ANO4: variants seen among roughly 807,000 people sequenced by gnomAD.
ANO4 encodes anoctamin-4.
Under a neutral mutation model 141.9 loss-of-function variants are expected in ANO4, and 69 were observed. The observed-to-expected ratio is 0.49, with a 90% CI of 0.40 to 0.59. The LOEUF (loss-of-function observed/expected upper bound fraction) is 0.59. Ranked by LOEUF, ANO4 falls within the 20% of genes least tolerant of loss-of-function variation. The pLI, the probability that ANO4 is intolerant of heterozygous loss-of-function variation, is 0.00. For synonymous variants in ANO4, 350 were observed against 394.3 expected (o/e 0.89, Z 1.33); for missense variants, 894 against 1,162.2 (o/e 0.77, Z 3.36).
intron 1 of ANO4, among the ~76,000 whole-genome samples, chr12:100,826,221 C>T (rs2036329860): frequency 6.6e-6 from 1 of 151,768 alleles, no homozygotes; most frequent in Non-Finnish European, 1.5e-5. Context: ...AAGACGGAAA[C>T]ATTCAGAAAG....
intron 3 of ANO4, among the ~76,000 whole-genome samples, chr12:100,925,795 ATG>A (rs1181663389): frequency 6.9e-6 from 1 of 144,684 alleles, no homozygotes; most frequent in African/African-American, 2.6e-5. Context: ...GCATGTATAT[ATG>A]TGTGTATACA....
At chr12:100,909,454 A>G (rs1035642070) in intron 2 of ANO4, among the ~76,000 whole-genome samples, 4 of 152,200 alleles carry the variant, frequency 2.6e-5, no homozygotes, top group Admixed American at 2.0e-4. Flanking sequence ...CCCAAAAGGA[A>G]ATAGAGGTGA....
chr12:100,884,861 T>A (rs190365513), intron 1 of ANO4, among the ~76,000 whole-genome samples: 106 of 152,260 alleles, frequency 7.0e-4, no homozygotes, highest in African/African-American at 2.4e-3. Context: ...TGCCCAGCTA[T>A]TTTTAGTATT....
intron 17 of ANO4, among the ~76,000 whole-genome samples, chr12:101,091,057 A>G (rs2049749890): frequency 6.6e-6 from 1 of 152,204 alleles, no homozygotes; most frequent in Non-Finnish European, 1.5e-5. Context: ...AGACTAGCCA[A>G]CATGGATGAG....
chr12:100,857,920 C>T (rs898909805), intron 1 of ANO4, among the ~76,000 whole-genome samples: 1 of 152,120 alleles, frequency 6.6e-6, no homozygotes, highest in East Asian at 1.9e-4. Context: ...ATTCAAACCT[C>T]ATTTGAAATC....
chr12:100,994,141 G>A (rs752929439), intron 8 of ANO4, among the ~76,000 whole-genome samples: 37 of 152,180 alleles, frequency 2.4e-4, no homozygotes, highest in Non-Finnish European at 4.1e-4. Flanking sequence ...GTAGTGGTGG[G>A]ATGGGTACAA....
chr12:101,121,951 G>A (rs1287387898), intron 26 of ANO4, among the ~76,000 whole-genome samples: 2 of 151,820 alleles, frequency 1.3e-5, no homozygotes, highest in African/African-American at 2.4e-5. Flanking sequence ...TAGTGGAGAC[G>A]GGGTTTCACT....
intron 3 of ANO4, among the ~76,000 whole-genome samples, chr12:100,751,604 T>C (rs1593269088): frequency 2.0e-5 from 3 of 152,178 alleles, no homozygotes; most frequent in East Asian, 3.9e-4. Flanking sequence ...TTGTCCCAGG[T>C]CGTGTAACTC....
At chr12:101,052,974 C>A (rs2047934765) in intron 14 of ANO4, among the ~76,000 whole-genome samples, 1 of 152,196 alleles carries the variant, frequency 6.6e-6, no homozygotes, top group East Asian at 1.9e-4. Flanking sequence ...TGGTCTGTTT[C>A]ACTCCAGAGT....
upstream of ANO4, among the ~76,000 whole-genome samples, chr12:100,789,830 A>G (rs1222417319): frequency 6.6e-6 from 1 of 152,210 alleles, no homozygotes; most frequent in Non-Finnish European, 1.5e-5. Flanking sequence ...TTGTGTACTT[A>G]TTGAGCTCCT....
At chr12:101,080,865 G>GATATATATATATTATAT (rs1555296491) in intron 15 of ANO4, among the ~76,000 whole-genome samples, 3 of 109,374 alleles carry the variant, frequency 2.7e-5, no homozygotes, top group Non-Finnish European at 3.7e-5. Flanking sequence ...CTAGGTTCTA[G>GATATATATATATTATAT]ATATATATAT....
At chr12:100,976,370 A>T (rs2044193639) in intron 7 of ANO4, among the ~76,000 whole-genome samples, 1 of 152,214 alleles carries the variant, frequency 6.6e-6, no homozygotes, top group Admixed American at 6.5e-5. Context: ...GTTGTTTCTC[A>T]AAAATTGCCT....
At chr12:100,916,737 A>G (rs1454804693) in intron 2 of ANO4, among the ~76,000 whole-genome samples, 1 of 152,208 alleles carries the variant, frequency 6.6e-6, no homozygotes, top group East Asian at 1.9e-4. Flanking sequence ...TATCAGGATC[A>G]AGAAATGCTT....
At chr12:101,042,195 G>A (rs2047434459) in intron 11 of ANO4, 139 bp from the exon 12 acceptor site, 1 of 999,742 alleles carries the variant, frequency 1.0e-6, no homozygotes, top group Admixed American at 2.6e-5. Context: ...GATTTGATGG[G>A]ATGTTCTTTT....
intron 1 of ANO4, 28 bp downstream of exon 1, chr12:100,795,055 C>G (rs1311017522): frequency 6.5e-6 from 1 of 152,704 alleles, no homozygotes; most frequent in Non-Finnish European, 1.5e-5. Context: ...ATGAGCTGCT[C>G]TGTTGCTGCA....
At chr12:101,116,529 A>G in intron 24 of ANO4, 150 bp from the exon 25 acceptor site, 1 of 1,100,656 alleles carries the variant, frequency 9.1e-7, no homozygotes, top group Non-Finnish European at 1.3e-6. Context: ...AGGGCTTTCC[A>G]GCGTATCCCA....
Position 100,912,417 on chromosome 12 carries a change from GA to G in ANO4, c.56-9795del, listed in dbSNP as rs10641222. 2.6e-3 allele frequency among the ~76,000 whole-genome samples: 314 copies of G among 121,002 alleles called. 3 individuals are homozygous for G. The highest frequency in any genetic ancestry group is 0.019 in the East Asian group (79 of 4,228). 79.4% of individuals were successfully genotyped at this position (121,002 alleles called of 152,430 possible). A position where few individuals can be genotyped will look rare whatever the true frequency, so the allele number is the denominator to read the frequency against. On this transcript the variant is annotated intron_variant, in intron 2 of 27. Transcript: ENST00000392977. ...CAAAAAAAAAAAAAAAAAGAAAAAA[GA>G]AAAAAAAAAAAAAGCTGAAGCAGGA...
chr12:100,814,185 T>C (rs538595790), intron 1 of ANO4, among the ~76,000 whole-genome samples: 3 of 152,320 alleles, frequency 2.0e-5, no homozygotes, highest in South Asian at 2.1e-4. Flanking sequence ...AGGAATTTTT[T>C]TGTGGTGCCT....
intron 19 of ANO4, 100 bp downstream of exon 19, chr12:101,096,747 T>A: frequency 1.1e-6 from 1 of 887,718 alleles, no homozygotes; most frequent in Non-Finnish European, 1.8e-6. Context: ...GGGTGATTTA[T>A]ACAAAGTGTA....
Sources: allele counts gnomAD v4.1 joint callset (sites outside exome capture counted in the v4.1 genomes callset), GRCh38; gene constraint gnomAD v4.1.1; transcripts MANE v1.5; gene names NCBI Gene and HGNC (gene_info 2026-07-23, HGNC 2026-07-21).